NEXN: variants seen among roughly 807,000 people sequenced by gnomAD.
NEXN encodes nexilin.
A neutral mutation model predicts 92.6 loss-of-function variants in NEXN; 65 were observed. The ratio of observed to expected loss-of-function variants is 0.70; its 90% confidence interval spans 0.57 to 0.86. The LOEUF is 0.86. Ranked by LOEUF, NEXN falls within the 40% of genes least tolerant of loss-of-function variation. NEXN has a pLI of 0.00. For missense variants in NEXN, 778 were observed against 771.1 expected, an observed-to-expected ratio of 1.01 and a Z score of -0.11; for synonymous variants, 254 against 242.5, an observed-to-expected ratio of 1.05 and a Z score of -0.44.
chr1:77,892,868 CTTTT>C (rs201767250), intron 1 of NEXN, among the ~76,000 whole-genome samples: 3 of 140,240 alleles, frequency 2.1e-5, no homozygotes, highest in African/African-American at 5.2e-5. Context: ...TGTAAATAAT[CTTTT>C]TTTTTTTTTT....
intron 1 of NEXN, among the ~76,000 whole-genome samples, chr1:77,902,920 A>G (rs1399739458): frequency 1.3e-5 from 2 of 152,210 alleles, no homozygotes; most frequent in African/African-American, 2.4e-5. Context: ...TCCTTGGTAA[A>G]GAAGTGACTT....
chr1:77,940,898 T>C (rs1463932771), intron 11 of NEXN, among the ~76,000 whole-genome samples: 1 of 152,128 alleles, frequency 6.6e-6, no homozygotes, highest in Non-Finnish European at 1.5e-5. Context: ...CAAAATAGAA[T>C]TTACGCACCA....
intron 1 of NEXN, among the ~76,000 whole-genome samples, chr1:77,903,894 C>T (rs1406448147): frequency 6.6e-6 from 1 of 152,154 alleles, no homozygotes; most frequent in East Asian, 1.9e-4. Flanking sequence ...CACTTCTCTC[C>T]AGCCTGGGCG....
rs143241168 is a variant in NEXN, at chr1:77,920,100, C to T, written c.447+1827C>T. 6.2e-3 allele frequency among the ~76,000 whole-genome samples: 944 copies of T among 152,158 alleles called. 9 individuals are homozygous for T. The highest frequency in any genetic ancestry group is 0.021 in the African/African-American group (888 of 41,504). On this transcript the variant is annotated intron_variant, in intron 5 of 12. Transcript: ENST00000334785. ...ATTTTTAGTAGAGATAGGGTTTCAC[C>T]ATGTTGGCCAGGCTGGTCTTGAACT...
chr1:77,937,626 C>T (rs186306116), intron 11 of NEXN, among the ~76,000 whole-genome samples: 4 of 152,014 alleles, frequency 2.6e-5, no homozygotes, highest in Admixed American at 1.3e-4. Flanking sequence ...GAGGTGGAGA[C>T]TGCAGTGAGC....
Position 77,918,205 on chromosome 1 carries a change from C to G in NEXN, c.379C>G (p.Arg127Gly), listed in dbSNP as rs771113424. 1 of 1,613,708 alleles carries G rather than the reference C, an allele frequency of 6.2e-7. No homozygotes were observed. The highest frequency in any genetic ancestry group is 8.5e-7 in the Non-Finnish European group (1 of 1,179,930). ...GAAGAGAACGGAGGAGGAACGAAAA[C>G]GCAGAATTGAGCAGGATATGTTAGA... is the stretch of plus-strand genomic sequence containing the variant. ...QRKRTEEERK[R>G]RIEQDMLEKR... Residue 127 changes from arginine (R) to glycine (G), a missense_variant, in exon 5 of 13, where the codon CGC becomes GGC. Physicochemically the swap from Arg to Gly is moderately radical, Grantham distance 125. Coordinates refer to ENST00000334785, the MANE Select transcript of NEXN (RefSeq NM_144573.4).
At chr1:77,933,153 C>A in intron 9 of NEXN, 129 bp from the exon 10 acceptor site, 1 of 637,718 alleles carries the variant, frequency 1.6e-6, no homozygotes, top group Non-Finnish European at 2.7e-6. Context: ...AAGAGTGAAA[C>A]TCCATCTCAA....
rs112542707 is a variant in NEXN at position 77,918,274 on chromosome 1, G to T, written c.447+1G>T. ...TGAATTAGCAAAAAGGGCTGAACAG[G>T]TATCACTGAAGATTAAGTTCGTATT... On this transcript the variant is annotated splice_donor_variant, in intron 5 of 12. Coordinates refer to ENST00000334785, the MANE Select transcript of NEXN (RefSeq NM_144573.4). LOFTEE classifies it high-confidence loss of function. 1 of 1,613,836 alleles carries T rather than the reference G, an allele frequency of 6.2e-7. No homozygotes were observed. The highest frequency in any genetic ancestry group is 8.5e-7 in the Non-Finnish European group (1 of 1,179,848).
At chr1:77,930,516 G>T (rs950664857) in intron 9 of NEXN, among the ~76,000 whole-genome samples, 1 of 152,128 alleles carries the variant, frequency 6.6e-6, no homozygotes, top group Non-Finnish European at 1.5e-5. Flanking sequence ...AAGAAATTTT[G>T]ATTGTGTTTT....
At chr1:77,894,995 C>T (rs1352104833) in intron 1 of NEXN, among the ~76,000 whole-genome samples, 8 of 142,258 alleles carry the variant, frequency 5.6e-5, no homozygotes, top group African/African-American at 1.8e-4. Flanking sequence ...GGATTACAGG[C>T]GTGAGCCACC....
intron 8 of NEXN, 101 bp from the exon 9 acceptor site, chr1:77,929,215 A>T: frequency 1.3e-6 from 1 of 786,744 alleles, no homozygotes; most frequent in South Asian, 1.6e-5. Context: ...GGGCATTGAA[A>T]CTCCTGTGTG....
intron 5 of NEXN, among the ~76,000 whole-genome samples, chr1:77,923,209 G>A (rs902042134): frequency 6.9e-6 from 1 of 144,470 alleles, no homozygotes; most frequent in Non-Finnish European, 1.5e-5. Flanking sequence ...ATGTTGCCCA[G>A]GTTGGTCTTG....
intron 5 of NEXN, among the ~76,000 whole-genome samples, chr1:77,920,614 T>A (rs1165472211): frequency 2.2e-5 from 2 of 89,280 alleles, no homozygotes; most frequent in Non-Finnish European, 4.2e-5. Flanking sequence ...AGAGACCCTG[T>A]CTCTTAAAAA....
At chr1:77,919,484 A>G (rs1051824122) in intron 5 of NEXN, among the ~76,000 whole-genome samples, 7 of 152,234 alleles carry the variant, frequency 4.6e-5, no homozygotes, top group African/African-American at 1.4e-4. Flanking sequence ...AAAGTGGGGT[A>G]CAGGTATTGG....
intron 1 of NEXN, among the ~76,000 whole-genome samples, chr1:77,899,908 A>T (rs1366779983): frequency 6.6e-6 from 1 of 152,118 alleles, no homozygotes; most frequent in Non-Finnish European, 1.5e-5. Context: ...ATCTTCTCTT[A>T]CCAAGGTCAT....
At chr1:77,920,729 T>C (rs1223077671) in intron 5 of NEXN, among the ~76,000 whole-genome samples, 1 of 152,114 alleles carries the variant, frequency 6.6e-6, no homozygotes, top group Non-Finnish European at 1.5e-5. Flanking sequence ...ATTATCTGTT[T>C]ATCTTTGAGG....
intron 1 of NEXN, among the ~76,000 whole-genome samples, chr1:77,890,048 T>C (rs1647070085): frequency 6.6e-6 from 1 of 152,146 alleles, no homozygotes; most frequent in Non-Finnish European, 1.5e-5. Flanking sequence ...TTCTTTTGAG[T>C]TTGGGGTATT....
At position 77,925,752 on chromosome 1, in the gene NEXN, T is replaced by C. The variant is rs577203896; in HGVS notation, c.489+523T>C. On this transcript the variant is annotated intron_variant, in intron 6 of 12. Transcript: ENST00000334785. ...TTCAATTTGATGGTGTGCCCAAAAC[T>C]ACAGCCCATAAATTGGGAGCAATTT... Among the ~76,000 whole-genome samples, 306 of 152,276 alleles carry C rather than the reference T, an allele frequency of 2.0e-3. 1 individual carries two copies. The highest frequency in any genetic ancestry group is 7.1e-3 in the African/African-American group (297 of 41,572).
chr1:77,913,006 G>A (rs189723981), intron 1 of NEXN, among the ~76,000 whole-genome samples: 119 of 152,226 alleles, frequency 7.8e-4, no homozygotes, highest in African/African-American at 2.8e-3. Flanking sequence ...TAAAAAATAA[G>A]CCATAGACTT....
Sources: allele counts gnomAD v4.1 joint callset (sites outside exome capture counted in the v4.1 genomes callset), GRCh38; gene constraint gnomAD v4.1.1; transcripts MANE v1.5; gene names NCBI Gene and HGNC (gene_info 2026-07-23, HGNC 2026-07-21).